The following TTC29 variants were observed in gnomAD, a reference collection of about 807,000 sequenced individuals.
TTC29 encodes tetratricopeptide repeat domain 29.
Under a neutral mutation model 58.1 loss-of-function variants are expected in TTC29, and 49 were observed. That is an observed-to-expected ratio of 0.84 (90% CI 0.67 to 1.07). The LOEUF (loss-of-function observed/expected upper bound fraction) is 1.07. Among genes scored for constraint, TTC29 ranks in the 50% least tolerant of loss-of-function variants. The pLI, the probability that TTC29 is intolerant of heterozygous loss-of-function variation, is 0.00. For missense variants in TTC29, 582 were observed against 555.6 expected (o/e 1.05, Z -0.48); for synonymous variants, 209 against 196.8 (o/e 1.06, Z -0.52).
At chr4:146,723,604 A>C (rs1743545455) in intron 11 of TTC29, among the ~76,000 whole-genome samples, 1 of 152,220 alleles carries the variant, frequency 6.6e-6, no homozygotes, top group Non-Finnish European at 1.5e-5. Context: ...GAAATCATAC[A>C]AAGAGCCAAC....
intron 8 of TTC29, among the ~76,000 whole-genome samples, chr4:146,861,071 C>A (rs532826282): frequency 9.9e-5 from 15 of 152,064 alleles, no homozygotes; most frequent in Non-Finnish European, 2.1e-4. Context: ...GCAAATAATT[C>A]TCTGCCTGTT....
chr4:146,918,834 C>T (rs1276136155), intron 4 of TTC29, among the ~76,000 whole-genome samples: 2 of 151,084 alleles, frequency 1.3e-5, no homozygotes, highest in Non-Finnish European at 3.0e-5. Flanking sequence ...CCCACGGTAG[C>T]TGTCGCACAG....
chr4:146,892,257 C>T (rs1732420039), intron 6 of TTC29, among the ~76,000 whole-genome samples: 1 of 152,080 alleles, frequency 6.6e-6, no homozygotes, highest in African/African-American at 2.4e-5. Context: ...TTACCTTCTG[C>T]CATGATTGTG....
At chr4:146,891,650 G>A (rs538179391) in intron 6 of TTC29, among the ~76,000 whole-genome samples, 6 of 152,064 alleles carry the variant, frequency 3.9e-5, no homozygotes, top group Non-Finnish European at 8.8e-5. Context: ...AGGATTACAG[G>A]GACTTTTGAT....
intron 11 of TTC29, among the ~76,000 whole-genome samples, chr4:146,756,999 C>T (rs1348485511): frequency 1.3e-5 from 2 of 152,114 alleles, no homozygotes; most frequent in Non-Finnish European, 2.9e-5. Flanking sequence ...CAGTGATTAG[C>T]CTAATAACTA....
intron 11 of TTC29, among the ~76,000 whole-genome samples, chr4:146,776,879 T>G (rs1748139197): frequency 6.6e-6 from 1 of 152,202 alleles, no homozygotes; most frequent in Non-Finnish European, 1.5e-5. Flanking sequence ...ACATTTGTGC[T>G]AGCAGCAGTG....
At chr4:146,925,969 G>A (rs1169256930) in intron 4 of TTC29, among the ~76,000 whole-genome samples, 1 of 151,834 alleles carries the variant, frequency 6.6e-6, no homozygotes, top group Non-Finnish European at 1.5e-5. Flanking sequence ...GATTGCCTTT[G>A]TCACATTACT....
At position 146,708,340 on chromosome 4, in the gene TTC29, A is replaced by ATATATATATATATACACATG. The variant is rs1561046980; in HGVS notation, c.1331-790_1331-789insCATGTGTATATATATATATA. On this transcript the variant is annotated intron_variant, in intron 11 of 12. Transcript: ENST00000325106. The stretch of plus-strand genomic sequence containing the variant: ...TATATATATATATATATATATATAT[A>ATATATATATATATACACATG]TATATATATATATATACACATGTAT... 2.3e-3 allele frequency among the ~76,000 whole-genome samples: 94 copies of ATATATATATATATACACATG among 40,462 alleles called. 3 individuals are homozygous for ATATATATATATATACACATG. Among genetic ancestry groups the ATATATATATATATACACATG allele is most frequent in the African/African-American group, 5.9e-3 (91 of 15,540 alleles). 26.5% of individuals were successfully genotyped at this position (40,462 alleles called of 152,430 possible). A position where few individuals can be genotyped will look rare whatever the true frequency, so the allele number is the denominator to read the frequency against.
intron 11 of TTC29, among the ~76,000 whole-genome samples, chr4:146,728,406 C>A (rs888155252): frequency 3.3e-5 from 5 of 151,822 alleles, no homozygotes; most frequent in Non-Finnish European, 5.9e-5. Flanking sequence ...AAATCAACTC[C>A]TACACATATA....
chr4:146,790,197 C>CT (rs993083359), intron 11 of TTC29, among the ~76,000 whole-genome samples: 27 of 138,172 alleles, frequency 2.0e-4, no homozygotes, highest in Non-Finnish European at 2.7e-4. Flanking sequence ...TTTTTTTTTT[C>CT]TTTTTTTTTG....
chr4:146,919,367 T>C (rs1734437737), intron 4 of TTC29, among the ~76,000 whole-genome samples: 1 of 151,048 alleles, frequency 6.6e-6, no homozygotes. Context: ...GTTATAATGA[T>C]ACAAAATAAA....
At chr4:146,929,552 C>T (rs1350413324) in intron 4 of TTC29, among the ~76,000 whole-genome samples, 4 of 152,150 alleles carry the variant, frequency 2.6e-5, no homozygotes, top group South Asian at 2.1e-4. Flanking sequence ...ATGTCTAAGT[C>T]GACAGACTTG....
intron 10 of TTC29, among the ~76,000 whole-genome samples, chr4:146,817,510 A>G (rs1446193955): frequency 1.3e-5 from 2 of 152,182 alleles, no homozygotes; most frequent in Non-Finnish European, 2.9e-5. Context: ...ATACTGCCCA[A>G]GGTAATTTAT....
intron 8 of TTC29, among the ~76,000 whole-genome samples, chr4:146,855,414 C>CAG (rs35285499): frequency 0.43 from 64,940 of 151,884 alleles, 14,973 homozygotes; most frequent in African/African-American, 0.59. Flanking sequence ...GCCTGGGCGA[C>CAG]AGTGAGAATC....
At chr4:146,891,533 A>C (rs925383485) in intron 6 of TTC29, among the ~76,000 whole-genome samples, 1 of 152,236 alleles carries the variant, frequency 6.6e-6, no homozygotes, top group Non-Finnish European at 1.5e-5. Flanking sequence ...GCTGTGACAG[A>C]AAATGTTGAA....
At chr4:146,835,669 T>C (rs1210960426) in intron 8 of TTC29, among the ~76,000 whole-genome samples, 1 of 152,108 alleles carries the variant, frequency 6.6e-6, no homozygotes, top group Non-Finnish European at 1.5e-5. Flanking sequence ...CTGATACAAC[T>C]GTGTGAATTA....
intron 10 of TTC29, among the ~76,000 whole-genome samples, chr4:146,806,038 T>G (rs112673594): frequency 0.062 from 9,393 of 152,240 alleles, 392 homozygotes; most frequent in Admixed American, 0.13. Context: ...CGGATCTCTC[T>G]GGAGAAACCC....
At chr4:146,738,990 G>A (rs925296355) in intron 11 of TTC29, among the ~76,000 whole-genome samples, 1 of 151,684 alleles carries the variant, frequency 6.6e-6, no homozygotes, top group Non-Finnish European at 1.5e-5. Flanking sequence ...ATAATAAACT[G>A]GTAAATGTAA....
intron 6 of TTC29, among the ~76,000 whole-genome samples, chr4:146,890,702 C>G (rs1335913122): frequency 1.3e-5 from 2 of 152,234 alleles, no homozygotes; most frequent in Non-Finnish European, 2.9e-5. Flanking sequence ...GAATATTCCC[C>G]TCACACATAG....
Sources: allele counts gnomAD v4.1 joint callset (sites outside exome capture counted in the v4.1 genomes callset), GRCh38; gene constraint gnomAD v4.1.1; transcripts MANE v1.5; gene names NCBI Gene and HGNC (gene_info 2026-07-23, HGNC 2026-07-21).